Variants in LRRC36 observed in about 807,000 individuals in gnomAD.
LRRC36 encodes the protein leucine rich repeat containing 36, also known as leucine-rich repeat-containing protein 36.
A neutral mutation model predicts 81.1 loss-of-function variants in LRRC36; 62 were observed. That is an observed-to-expected ratio of 0.76 (90% confidence interval 0.62 to 0.94). The LOEUF is 0.94. Ranked by LOEUF, LRRC36 falls within the 40% of genes least tolerant of loss-of-function variation. The pLI is 0.00. For missense variants in LRRC36, 761 were observed against 881.7 expected (o/e 0.86, Z 1.73); for synonymous variants, 334 against 348.6 (o/e 0.96, Z 0.47).
chr16:67,374,744 AT>A (rs2039811590), intron 9 of LRRC36, among the ~76,000 whole-genome samples: 1 of 152,096 alleles, frequency 6.6e-6, no homozygotes, highest in Non-Finnish European at 1.5e-5. Flanking sequence ...TACCTTTGAT[AT>A]TATCCTGGAA....
chr16:67,360,765 C>A (rs2039107320), intron 5 of LRRC36, among the ~76,000 whole-genome samples: 1 of 152,220 alleles, frequency 6.6e-6, no homozygotes, highest in African/African-American at 2.4e-5. Flanking sequence ...GCTTTATTCA[C>A]TGTCTACTCT....
At chr16:67,351,973 T>C (rs1201257909) in intron 5 of LRRC36, among the ~76,000 whole-genome samples, 2 of 152,216 alleles carry the variant, frequency 1.3e-5, no homozygotes, top group Admixed American at 1.3e-4. Flanking sequence ...GTCTTTTTTC[T>C]AGGTACAGGC....
In LRRC36 at chr16:67,375,381, C is replaced by T. The variant is rs144135273; in HGVS notation, c.1629C>T (p.Ser543=). 7.1e-5 allele frequency: 113 copies of T among 1,592,274 alleles called. 1 individual carries two copies. In the African/African-American group the frequency reaches 8.2e-4, roughly 12 times the overall value. ...TTGTGGATAAGCACTGGAATGGCTC[C>T]GGCTCCCTCCTCCTCAACAAGAAGT... The part of the protein sequence containing the change: ...LELVDKHWNG[S]GSLLLNKKFL... Residue 543 remains serine (S), a synonymous_variant, in exon 10 of 14, where the codon TCC becomes TCT. Transcript: ENST00000329956.
chr16:67,378,974 A>C (rs1597506743), intron 12 of LRRC36, among the ~76,000 whole-genome samples: 1 of 152,232 alleles, frequency 6.6e-6, no homozygotes, highest in East Asian at 1.9e-4. Flanking sequence ...TGAGAATGAC[A>C]CATGCTTTTG....
rs776438937 is a variant in LRRC36 at position 67,346,287 on chromosome 16, T to G, written c.230T>G (p.Leu77Arg). The G allele has an allele frequency of 1.7e-5, 27 of 1,608,222 alleles. No homozygotes were observed. Among genetic ancestry groups the G allele is most frequent in the Non-Finnish European group, 2.3e-5 (27 of 1,175,868 alleles). ...CAGTATTTATGTTCACTCCAAGACC[T>G]GAATTTATATTATAACAACATTCCT... ...GIQYLCSLQD[L>R]NLYYNNIPSL... The change falls in exon 3 of 14, where the codon CTG becomes CGG. Residue 77 changes from leucine to arginine, a missense_variant. Physicochemically the swap from Leu to Arg is moderately radical, Grantham distance 102 (BLOSUM62 -2). Transcript: ENST00000329956.
intron 1 of LRRC36, among the ~76,000 whole-genome samples, chr16:67,336,966 A>G (rs1048530184): frequency 6.6e-6 from 1 of 151,398 alleles, no homozygotes; most frequent in Non-Finnish European, 1.5e-5. Flanking sequence ...ACAGGGTCCT[A>G]CTATGTTGCC....
At chr16:67,335,215 G>T (rs2037701510) in intron 1 of LRRC36, among the ~76,000 whole-genome samples, 1 of 152,180 alleles carries the variant, frequency 6.6e-6, no homozygotes, top group Non-Finnish European at 1.5e-5. Context: ...TCATCCTACA[G>T]CTGTGACCAT....
In LRRC36 at chr16:67,342,094, A is replaced by G. The variant is rs752323892; in HGVS notation, c.198+10A>G. 1.9e-6 allele frequency: 3 copies of G among 1,578,790 alleles called. No individual in the cohort carries two copies. The highest frequency in any genetic ancestry group is 2.6e-6 in the Non-Finnish European group (3 of 1,157,870). On this transcript the variant is annotated intron_variant, in intron 2 of 13. Coordinates refer to ENST00000329956, the MANE Select transcript of LRRC36 (RefSeq NM_018296.6). ...GATCACTAGCCTTAAGGTAAGTTATATATTCTATGACCAGCCAGGTCTGCC... is the reference window on the plus strand; with the variant it reads ...GATCACTAGCCTTAAGGTAAGTTATGTATTCTATGACCAGCCAGGTCTGCC...
chr16:67,368,124 A>C (rs928645052), intron 8 of LRRC36, among the ~76,000 whole-genome samples: 1 of 152,212 alleles, frequency 6.6e-6, no homozygotes, highest in Non-Finnish European at 1.5e-5. Context: ...TATTTATTCA[A>C]CCAAACTCAT....
intron 5 of LRRC36, among the ~76,000 whole-genome samples, chr16:67,356,278 T>C (rs1434033307): frequency 6.6e-6 from 1 of 152,342 alleles, no homozygotes; most frequent in East Asian, 1.9e-4. Flanking sequence ...CTCATTGAAA[T>C]CCATCCCACT....
intron 2 of LRRC36, among the ~76,000 whole-genome samples, chr16:67,344,610 A>G (rs2038253929): frequency 6.6e-6 from 1 of 152,110 alleles, no homozygotes. Flanking sequence ...CCAAAAAACA[A>G]AAAAACTTGA....
chr16:67,361,001 T>C (rs2039118670), intron 5 of LRRC36, among the ~76,000 whole-genome samples: 1 of 152,154 alleles, frequency 6.6e-6, no homozygotes, highest in Middle Eastern at 3.4e-3. Context: ...TGATCAAGAG[T>C]GGAAAAACGT....
intron 6 of LRRC36, among the ~76,000 whole-genome samples, chr16:67,364,091 C>A (rs1190204313): frequency 6.6e-6 from 1 of 152,178 alleles, no homozygotes; most frequent in Non-Finnish European, 1.5e-5. Context: ...TCTACCTACA[C>A]CCTTTAATAC....
At position 67,346,323 on chromosome 16, in the gene LRRC36, A is replaced by G; in HGVS notation, c.266A>G (p.Glu89Gly). 1 of 1,612,428 alleles carries G rather than the reference A, an allele frequency of 6.2e-7. No individual in the cohort carries two copies. The highest frequency in any genetic ancestry group is 8.5e-7 in the Non-Finnish European group (1 of 1,178,764). Reference protein sequence around the residue: ...LYYNNIPSLVEVSRLQPLPFL... With the variant: ...LYYNNIPSLVGVSRLQPLPFL... Reference sequence around the variant, plus strand: ...TATAACAACATTCCTTCATTAGTGGAAGTGTCCCGTCTACAACCGTTACCC... The same window carrying G: ...TATAACAACATTCCTTCATTAGTGGGAGTGTCCCGTCTACAACCGTTACCC... The change falls in exon 3 of 14, where the codon GAA (glutamate) becomes GGA (glycine). Residue 89 changes from glutamate (E) to glycine (G), a missense_variant. By Grantham distance (98) the Glu-to-Gly change is moderately conservative (BLOSUM62 -2). Transcript: ENST00000329956.
chr16:67,356,486 G>T (rs948589710), intron 5 of LRRC36, among the ~76,000 whole-genome samples: 2 of 152,212 alleles, frequency 1.3e-5, no homozygotes, highest in Non-Finnish European at 2.9e-5. Context: ...ATGAATATGG[G>T]GGAGAGGCAG....
intron 1 of LRRC36, among the ~76,000 whole-genome samples, chr16:67,328,508 G>A (rs966415344): frequency 6.6e-5 from 10 of 151,862 alleles, no homozygotes; most frequent in Non-Finnish European, 4.4e-5. Context: ...GTGAGACTCC[G>A]TCTCGAAAAA....
intron 9 of LRRC36, among the ~76,000 whole-genome samples, chr16:67,373,202 TAAAC>T (rs929070828): frequency 7.9e-5 from 12 of 152,092 alleles, no homozygotes; most frequent in South Asian, 2.1e-4. Context: ...AAAAAATAAA[TAAAC>T]AAACAAATAA....
intron 13 of LRRC36, among the ~76,000 whole-genome samples, chr16:67,383,071 C>CAAAAA (rs59297593): frequency 2.3e-4 from 10 of 44,330 alleles, no homozygotes; most frequent in Non-Finnish European, 3.2e-4. Flanking sequence ...GGCTCCGTCT[C>CAAAAA]AAAAAAAAAA....
chr16:67,356,020 T>G (rs1035002871), intron 5 of LRRC36, among the ~76,000 whole-genome samples: 8 of 152,186 alleles, frequency 5.3e-5, no homozygotes, highest in Admixed American at 2.6e-4. Context: ...AAGGTTTATG[T>G]TGGGTAGAAG....
Sources: allele counts gnomAD v4.1 joint callset (sites outside exome capture counted in the v4.1 genomes callset), GRCh38; gene constraint gnomAD v4.1.1; transcripts MANE v1.5; gene names NCBI Gene and HGNC (gene_info 2026-07-23, HGNC 2026-07-21).